The following RANBP6 variants were observed in gnomAD, a reference collection of about 807,000 sequenced individuals.
The protein encoded by RANBP6 is RAN binding protein 6.
A neutral mutation model predicts 35.3 loss-of-function variants in RANBP6; 10 were observed. That is an observed-to-expected ratio of 0.28 (90% CI 0.17 to 0.48). The LOEUF is 0.48. RANBP6 is among the 20% of genes least tolerant of loss of function. The probability of loss-of-function intolerance (pLI) is 0.99; values close to 1 mark genes in which losing one functional copy is unlikely to be tolerated. For synonymous variants in RANBP6, 514 were observed against 464.2 expected (o/e 1.11, Z -1.38); for missense variants, 1,392 against 1,307.7 (o/e 1.06, Z -0.99).
In RANBP6 at chr9:6,013,702, C is replaced by T. The variant is rs759758598; in HGVS notation, c.1906G>A (p.Glu636Lys). 3.1e-6 allele frequency: 5 copies of T among 1,614,000 alleles called. No individual in the cohort carries two copies. Among genetic ancestry groups the T allele is most frequent in the East Asian group, 2.2e-5 (1 of 44,888 alleles). The change falls in exon 1 of 1, where the codon GAG becomes AAG. Residue 636 changes from glutamate (E) to lysine (K), a missense_variant. Transcript: ENST00000259569. ...DFQQYLPLVI[E>K]PLIKTASAKP... ...GCTGAAGCAGTCTTAATAAGAGGCTCGATAACCAGTGGAAGGTACTGTTGA... is the reference window on the plus strand; with the variant it reads ...GCTGAAGCAGTCTTAATAAGAGGCTTGATAACCAGTGGAAGGTACTGTTGA...
chr9:6,013,484 T>G lies in RANBP6; in HGVS notation c.2124A>C (p.Thr708=), dbSNP rs1179652083. Residue 708 remains threonine (T), a synonymous_variant, in exon 1 of 1, where the codon ACA becomes ACC. Transcript: ENST00000259569. ...KELREGFVEY[T]EQVVKLMVPL... is the part of the protein sequence containing the mutation. ...GAACCATCAGCTTCACAACTTGTTCTGTATATTCCACAAACCCTTCCCTTA... is the reference window on the plus strand; with the variant it reads ...GAACCATCAGCTTCACAACTTGTTCGGTATATTCCACAAACCCTTCCCTTA... 1 of 1,614,252 alleles carries G rather than the reference T, an allele frequency of 6.2e-7. No individual in the cohort carries two copies. Among genetic ancestry groups the G allele is most frequent in the Admixed American group, 1.7e-5 (1 of 60,034 alleles).
rs1278708807 is a variant in RANBP6 at position 6,013,022 on chromosome 9, C to T, written c.2586G>A (p.Lys862=). 2 of 1,613,430 alleles carry T rather than the reference C, an allele frequency of 1.2e-6. No individual in the cohort carries two copies. Among genetic ancestry groups the T allele is most frequent in the African/African-American group, 2.7e-5 (2 of 74,904 alleles). ...GTTCAAACCATGGTAAAATCTTTTC[C>T]TTATAAGTACTAAATAATGAGTGCA... ...DILHSLFSTY[K]EKILPWFEQL... The change falls in exon 1 of 1, where the codon AAG becomes AAA. Residue 862 remains lysine, a synonymous_variant. Transcript: ENST00000259569.
At position 6,014,289 on chromosome 9, in the gene RANBP6, G is replaced by C. The variant is rs1842534512; in HGVS notation, c.1319C>G (p.Pro440Arg). The part of the protein sequence containing the change: ...TLGQMATDFA[P>R]NFQKKFHETV... ...TTCATGAAATTTCTTTTGGAAATTA[G>C]GTGCAAAATCTGTAGCCATCTGTCC... The change falls in exon 1 of 1, where the codon CCT becomes CGT. Residue 440 changes from proline to arginine, a missense_variant. Coordinates refer to ENST00000259569, the MANE Select transcript of RANBP6 (RefSeq NM_012416.4). 3.7e-6 allele frequency: 6 copies of C among 1,614,208 alleles called. No homozygotes were observed. The highest frequency in any genetic ancestry group is 5.1e-6 in the Non-Finnish European group (6 of 1,180,040).
At position 6,012,917 on chromosome 9, in the gene RANBP6, A is replaced by G; in HGVS notation, c.2691T>C (p.Asp897=). ...TTGGACTGCAGTGCTCTATGATGTC[A>G]TCAAATATGCACAATCCCCACTGTC... ...PDRQWGLCIF[D]DIIEHCSPTS... Residue 897 remains aspartate (D), a synonymous_variant, in exon 1 of 1, where the codon GAT becomes GAC. Transcript: ENST00000259569. 1 of 1,614,158 alleles carries G rather than the reference A, an allele frequency of 6.2e-7. No individual in the cohort carries two copies. The highest frequency in any genetic ancestry group is 2.2e-5 in the East Asian group (1 of 44,890).
At position 6,015,526 on chromosome 9, in the gene RANBP6, T is replaced by C; in HGVS notation, c.82A>G (p.Asn28Asp). ...EFYQLLKNLI[N>D]PSCMVRRQAE... ...TGCCTCCGCACCATACAGCTTGGAT[T>C]GATCAGGTTCTTCAGAAGCTGGTAA... The change falls in exon 1 of 1, where the codon AAT becomes GAT. Residue 28 changes from asparagine to aspartate, a missense_variant. By Grantham distance (23) the Asn-to-Asp change is conservative (BLOSUM62 1). Transcript: ENST00000259569. The C allele has an allele frequency of 6.2e-7, 1 of 1,613,134 alleles. No homozygotes were observed. Among genetic ancestry groups the C allele is most frequent in the Non-Finnish European group, 8.5e-7 (1 of 1,180,016 alleles).
chr9:6,013,499 C>G lies in RANBP6; in HGVS notation c.2109G>C (p.Gly703=), dbSNP rs1387480729. ...LVYYAKELRE[G]FVEYTEQVVK... is the part of the protein sequence containing the mutation. ...CAACTTGTTCTGTATATTCCACAAA[C>G]CCTTCCCTTAACTCCTTAGCATAGT... The change falls in exon 1 of 1, where the codon GGG becomes GGC. Residue 703 remains glycine, a synonymous_variant. Coordinates refer to ENST00000259569, the MANE Select transcript of RANBP6 (RefSeq NM_012416.4). The G allele has an allele frequency of 6.2e-7, 1 of 1,614,218 alleles. No individual in the cohort carries two copies. Among genetic ancestry groups the G allele is most frequent in the African/African-American group, 1.3e-5 (1 of 75,060 alleles).
In RANBP6 at chr9:6,014,117, T is replaced by A; in HGVS notation, c.1491A>T (p.Leu497=). The A allele has an allele frequency of 6.2e-7, 1 of 1,614,088 alleles. No homozygotes were observed. Among genetic ancestry groups the A allele is most frequent in the Non-Finnish European group, 8.5e-7 (1 of 1,180,030 alleles). The part of the protein sequence containing the change: ...VLYVDSMVKN[L]HSVLVIKLQE... The stretch of plus-strand genomic sequence containing the variant: ...GAAGTTTAATCACCAAGACGGAATG[T>A]AGATTTTTCACCATACTATCCACAT... The change falls in exon 1 of 1, where the codon CTA becomes CTT. Residue 497 remains leucine (L), a synonymous_variant. Transcript: ENST00000259569.
rs1458533761 is a variant in RANBP6 at position 6,013,405 on chromosome 9, T to A, written c.2203A>T (p.Met735Leu). The change falls in exon 1 of 1, where the codon ATG becomes TTG. Residue 735 changes from methionine (M) to leucine (L), a missense_variant. By Grantham distance (15) the Met-to-Leu change is conservative (BLOSUM62 2). Transcript: ENST00000259569. ...CTTGCACATTCCAGGAGAAAAGGCATGGACTCTGCTGCTGCCACTCGAACA... is the reference window on the plus strand; with the variant it reads ...CTTGCACATTCCAGGAGAAAAGGCAAGGACTCTGCTGCTGCCACTCGAACA... ...DNVRVAAAES[M>L]PFLLECARIR... 3.1e-6 allele frequency: 5 copies of A among 1,614,096 alleles called. No individual in the cohort carries two copies. Among genetic ancestry groups the A allele is most frequent in the African/African-American group, 1.3e-5 (1 of 74,946 alleles).
In RANBP6 at chr9:6,015,185, C is replaced by T. The variant is rs762603887; in HGVS notation, c.423G>A (p.Leu141=). 1.2e-6 allele frequency: 2 copies of T among 1,614,168 alleles called. No homozygotes were observed. The highest frequency in any genetic ancestry group is 1.7e-6 in the Non-Finnish European group (2 of 1,180,046). ...AGTAGATTGAATCAATAAGAAACTT[C>T]AGACCTTCCGGCCAGTGGTTAGTGC... ...EDGTNHWPEG[L]KFLIDSIYSK... Residue 141 remains leucine, a synonymous_variant, in exon 1 of 1, where the codon CTG becomes CTA. Coordinates refer to ENST00000259569, the MANE Select transcript of RANBP6 (RefSeq NM_012416.4).
At position 6,012,389 on chromosome 9, in the gene RANBP6, C is replaced by G. The variant is rs1211532705; in HGVS notation, c.3219G>C (p.Val1073=). The change falls in exon 1 of 1, where the codon GTG becomes GTC. Residue 1073 remains valine, a synonymous_variant. Coordinates refer to ENST00000259569, the MANE Select transcript of RANBP6 (RefSeq NM_012416.4). Reference sequence around the variant, plus strand: ...AATCTTCAGAAGTCTGTACCTGACGCACGACATTAGCTAGGCGTTTGGCAC... The same window carrying G: ...AATCTTCAGAAGTCTGTACCTGACGGACGACATTAGCTAGGCGTTTGGCAC... ...DPCAKRLANV[V]RQVQTSEDLW... The G allele has an allele frequency of 6.2e-7, 1 of 1,613,788 alleles. No individual in the cohort carries two copies. The highest frequency in any genetic ancestry group is 1.3e-5 in the African/African-American group (1 of 74,898).
rs1380181273 is a variant in RANBP6 at position 6,011,817 on chromosome 9, C to T, written c.*473G>A. 6.5e-6 allele frequency: 1 copy of T among 153,306 alleles called. No individual in the cohort carries two copies. The highest frequency in any genetic ancestry group is 6.5e-5 in the Admixed American group (1 of 15,480). 9.5% of individuals were successfully genotyped at this position (153,306 alleles called of 1,614,324 possible). A position where few individuals can be genotyped will look rare whatever the true frequency, so the allele number is the denominator to read the frequency against. On this transcript the variant is annotated 3_prime_UTR_variant, in exon 1 of 1. Coordinates refer to ENST00000259569, the MANE Select transcript of RANBP6 (RefSeq NM_012416.4). ...TCAAAACTCTCCTAGTAACAGCATC[C>T]TCCCATCACCACAAATACCAAGAGT...
In RANBP6 at chr9:6,014,004, A is replaced by T. The variant is rs1290618580; in HGVS notation, c.1604T>A (p.Phe535Tyr). Residue 535 changes from phenylalanine to tyrosine, a missense_variant, in exon 1 of 1, where the codon TTT (phenylalanine) becomes TAT (tyrosine). Coordinates refer to ENST00000259569, the MANE Select transcript of RANBP6 (RefSeq NM_012416.4). ...CATGAATATATCATAATATGGGACA[A>T]ATTTTTCTTCTATTGTATCTGCAAC... ...ASVADTIEEK[F>Y]VPYYDIFMPS... 2.5e-6 allele frequency: 4 copies of T among 1,613,836 alleles called. No homozygotes were observed. The highest frequency in any genetic ancestry group is 3.4e-6 in the Non-Finnish European group (4 of 1,179,906).
rs371991747 is a variant in RANBP6, at chr9:6,013,618, C to T, written c.1990G>A (p.Gly664Ser). Reference protein sequence around the residue: ...QDVENMSDDDGWQFVNLGDQQ... With the variant: ...QDVENMSDDDSWQFVNLGDQQ... ...TCTCCAAGATTTACAAATTGCCAGC[C>T]ATCATCGTCACTCATATTTTCCACA... is the stretch of plus-strand genomic sequence containing the variant. The change falls in exon 1 of 1, where the codon GGC becomes AGC. Residue 664 changes from glycine (G) to serine (S), a missense_variant. Transcript: ENST00000259569. 1 of 1,614,082 alleles carries T rather than the reference C, an allele frequency of 6.2e-7. No homozygotes were observed. Among genetic ancestry groups the T allele is most frequent in the Non-Finnish European group, 8.5e-7 (1 of 1,180,044 alleles).
rs143367425 is a variant in RANBP6, at chr9:6,012,387, C to T, written c.3221G>A (p.Arg1074His). ...TAAATCTTCAGAAGTCTGTACCTGA[C>T]GCACGACATTAGCTAGGCGTTTGGC... is the stretch of plus-strand genomic sequence containing the variant. ...PCAKRLANVV[R>H]QVQTSEDLWL... The change falls in exon 1 of 1, where the codon CGT becomes CAT. Residue 1074 changes from arginine (R) to histidine (H), a missense_variant. Coordinates refer to ENST00000259569, the MANE Select transcript of RANBP6 (RefSeq NM_012416.4). 3.1e-5 allele frequency: 50 copies of T among 1,613,746 alleles called. No individual in the cohort carries two copies. Among genetic ancestry groups the T allele is most frequent in the African/African-American group, 1.9e-4 (14 of 74,898 alleles).
At position 6,014,656 on chromosome 9, in the gene RANBP6, C is replaced by T. The variant is rs1445905665; in HGVS notation, c.952G>A (p.Ala318Thr). ...TCATCTTGTAGATCAACCATCATTG[C>T]TAATATATGAGGAACTGCCTGTGCA... ...IIAQAVPHIL[A>T]MMVDLQDDED... The change falls in exon 1 of 1, where the codon GCA (alanine) becomes ACA (threonine). Residue 318 changes from alanine (A) to threonine (T), a missense_variant. Transcript: ENST00000259569. 1 of 1,614,060 alleles carries T rather than the reference C, an allele frequency of 6.2e-7. No individual in the cohort carries two copies. Among genetic ancestry groups the T allele is most frequent in the Non-Finnish European group, 8.5e-7 (1 of 1,180,050 alleles).
chr9:6,015,595 C>T lies in RANBP6; in HGVS notation c.13G>A (p.Ala5Thr), dbSNP rs561165188. 11 of 1,595,040 alleles carry T rather than the reference C, an allele frequency of 6.9e-6. No homozygotes were observed. The East Asian group carries it at 1.8e-4, about 26-fold the overall frequency. The change falls in exon 1 of 1, where the codon GCG (alanine) becomes ACG (threonine). Residue 5 changes from alanine (A) to threonine (T), a missense_variant. Transcript: ENST00000259569. MAAT[A>T]SAGVPATVSE... is the part of the protein sequence containing the mutation. ...ACGGTCGCCGGCACCCCTGCAGACG[C>T]GGTTGCCGCCATTGCGCTCTGTCAA...
Position 6,014,655 on chromosome 9 carries a change from G to C in RANBP6, c.953C>G (p.Ala318Gly). Residue 318 changes from alanine (A) to glycine (G), a missense_variant, in exon 1 of 1, where the codon GCA becomes GGA. By Grantham distance (60) the Ala-to-Gly change is moderately conservative. Coordinates refer to ENST00000259569, the MANE Select transcript of RANBP6 (RefSeq NM_012416.4). ...IIAQAVPHIL[A>G]MMVDLQDDED... ...ATCATCTTGTAGATCAACCATCATTGCTAATATATGAGGAACTGCCTGTGC... is the reference window on the plus strand; with the variant it reads ...ATCATCTTGTAGATCAACCATCATTCCTAATATATGAGGAACTGCCTGTGC... 1 of 1,614,114 alleles carries C rather than the reference G, an allele frequency of 6.2e-7. No homozygotes were observed. The highest frequency in any genetic ancestry group is 8.5e-7 in the Non-Finnish European group (1 of 1,180,014).
chr9:6,011,310 T>C lies in RANBP6; in HGVS notation c.*980A>G, dbSNP rs1405446772. On this transcript the variant is annotated 3_prime_UTR_variant, in exon 1 of 1. Transcript: ENST00000259569. ...TGCTAAATGACTACTCTCAAAGTTGTTTTCTTTTTCATGTTCAAAGAAAAT... is the reference window on the plus strand; with the variant it reads ...TGCTAAATGACTACTCTCAAAGTTGCTTTCTTTTTCATGTTCAAAGAAAAT... The C allele has an allele frequency of 6.6e-6, 1 of 152,212 alleles. No individual in the cohort carries two copies. Among genetic ancestry groups the C allele is most frequent in the African/African-American group, 2.4e-5 (1 of 41,432 alleles). 9.4% of individuals were successfully genotyped at this position (152,212 alleles called of 1,614,324 possible).
At position 6,011,724 on chromosome 9, in the gene RANBP6, T is replaced by G. The variant is rs1335449177; in HGVS notation, c.*566A>C. The G allele has an allele frequency of 6.6e-6, 1 of 152,250 alleles. No individual in the cohort carries two copies. The highest frequency in any genetic ancestry group is 1.5e-5 in the Non-Finnish European group (1 of 68,052). 9.4% of individuals were successfully genotyped at this position (152,250 alleles called of 1,614,324 possible). On this transcript the variant is annotated 3_prime_UTR_variant, in exon 1 of 1. Coordinates refer to ENST00000259569, the MANE Select transcript of RANBP6 (RefSeq NM_012416.4). ...CACCTTGGGAACTACAATATGGATA[T>G]GTCCTACCCAGTTCCCAGGAGTACA...
Sources: gnomAD v4.1 joint callset for allele counts on GRCh38, gnomAD v4.1.1 for gene constraint, MANE v1.5 for transcripts, NCBI Gene and HGNC (gene_info 2026-07-23, HGNC 2026-07-21) for gene names.